UVRAG: variants seen among roughly 807,000 people sequenced by gnomAD.
UVRAG encodes the protein UV radiation resistance associated.
A neutral mutation model predicts 78.0 loss-of-function variants in UVRAG; 19 were observed. The ratio of observed to expected loss-of-function variants is 0.24; its 90% CI spans 0.17 to 0.36. The LOEUF is 0.36. UVRAG is among the 10% of genes least tolerant of loss of function. The probability of loss-of-function intolerance (pLI) is 1.00; values close to 1 mark genes in which losing one functional copy is unlikely to be tolerated. For missense variants in UVRAG, 740 were observed against 853.8 expected, an observed-to-expected ratio of 0.87 and a Z score of 1.66; for synonymous variants, 323 against 324.6, an observed-to-expected ratio of 1.00 and a Z score of 0.05.
intron 5 of UVRAG, among the ~76,000 whole-genome samples, chr11:75,894,704 G>A (rs554439298): frequency 3.7e-4 from 56 of 149,504 alleles, no homozygotes; most frequent in African/African-American, 1.4e-3. Context: ...TGCCCAGACT[G>A]TATAATCCTA....
chr11:75,923,088 G>A (rs1948015346), intron 6 of UVRAG, among the ~76,000 whole-genome samples: 1 of 149,146 alleles, frequency 6.7e-6, no homozygotes, highest in Non-Finnish European at 1.5e-5. Flanking sequence ...GTGCTGGAGT[G>A]CAATGGCTCG....
At chr11:76,065,494 G>A (rs1181613854) in intron 12 of UVRAG, among the ~76,000 whole-genome samples, 3 of 152,168 alleles carry the variant, frequency 2.0e-5, no homozygotes, top group Admixed American at 6.5e-5. Context: ...TCCTTGTTCT[G>A]TGACCTGTTC....
In UVRAG at chr11:76,073,288, T is replaced by C. The variant is rs536611627; in HGVS notation, c.1305+7500T>C. ...GCACATGTGCAATCGAGTTGCTAAG[T>C]GAACTACCTTCTTTTTTAAAAGCCT... On this transcript the variant is annotated intron_variant, in intron 13 of 14. Transcript: ENST00000356136. Among the ~76,000 whole-genome samples the C allele has an allele frequency of 3.3e-5, 5 of 152,302 alleles. No homozygotes were observed. In the East Asian group the frequency reaches 9.6e-4, roughly 29 times the overall value.
intron 14 of UVRAG, among the ~76,000 whole-genome samples, chr11:76,136,253 CAA>C (rs1170174791): frequency 6.6e-6 from 1 of 151,844 alleles, no homozygotes; most frequent in African/African-American, 2.4e-5. Context: ...AATATAAAAT[CAA>C]AATTATTTTA....
intron 1 of UVRAG, among the ~76,000 whole-genome samples, chr11:75,851,611 T>G (rs1475231618): frequency 6.6e-6 from 1 of 152,242 alleles, no homozygotes; most frequent in Non-Finnish European, 1.5e-5. Context: ...TGCGGGTATA[T>G]AGCACTTACA....
At chr11:75,895,725 C>T (rs1310244523) in intron 5 of UVRAG, among the ~76,000 whole-genome samples, 1 of 151,972 alleles carries the variant, frequency 6.6e-6, no homozygotes, top group Non-Finnish European at 1.5e-5. Context: ...GATCCTCCTA[C>T]CTTGGCCTCC....
chr11:75,840,187 TG>T (rs1240454242), intron 1 of UVRAG, among the ~76,000 whole-genome samples: 3 of 152,170 alleles, frequency 2.0e-5, no homozygotes, highest in Non-Finnish European at 2.9e-5. Context: ...GAAATTTACC[TG>T]AAAATTTACC....
At chr11:76,140,645 G>T in intron 14 of UVRAG, 66 bp from the exon 15 acceptor site, 1 of 1,444,200 alleles carries the variant, frequency 6.9e-7, no homozygotes, top group Non-Finnish European at 9.3e-7. Flanking sequence ...CCCTGTCTCT[G>T]GATCCAGAAG....
rs562799993 is a variant in UVRAG, at chr11:75,874,277, A to AC, written c.271-5602_271-5601insC. ...GTAATTTGGTAGAAAGAGAAAAAAAAAACAACAACACACACACACAAAATG... is the reference window on the plus strand; with the variant it reads ...GTAATTTGGTAGAAAGAGAAAAAAAACAACAACAACACACACACACAAAATG... On this transcript the variant is annotated intron_variant, in intron 3 of 14. Transcript: ENST00000356136. Among the ~76,000 whole-genome samples, 569 of 152,216 alleles carry AC rather than the reference A, an allele frequency of 3.7e-3. 4 individuals are homozygous for AC. Among genetic ancestry groups the AC allele is most frequent in the African/African-American group, 0.014 (561 of 41,518 alleles).
intron 3 of UVRAG, among the ~76,000 whole-genome samples, chr11:75,873,673 T>G (rs915612839): frequency 6.6e-6 from 1 of 152,230 alleles, no homozygotes; most frequent in African/African-American, 2.4e-5. Context: ...CTAGCATATG[T>G]AAGCTAGAGG....
chr11:76,079,292 T>C (rs1241571058), intron 13 of UVRAG, among the ~76,000 whole-genome samples: 1 of 152,122 alleles, frequency 6.6e-6, no homozygotes, highest in Non-Finnish European at 1.5e-5. Flanking sequence ...GAGACCAGCC[T>C]GGGCAGCACA....
intron 6 of UVRAG, among the ~76,000 whole-genome samples, chr11:75,937,128 G>A (rs1948388638): frequency 3.9e-5 from 6 of 152,202 alleles, no homozygotes; most frequent in Non-Finnish European, 8.8e-5. Flanking sequence ...CCAGCACTTT[G>A]GAAGGCCAAG....
At chr11:75,921,353 G>A (rs962374730) in intron 6 of UVRAG, among the ~76,000 whole-genome samples, 1 of 152,106 alleles carries the variant, frequency 6.6e-6, no homozygotes, top group African/African-American at 2.4e-5. Context: ...GTTTTCTTAA[G>A]CTTATTAGCT....
chr11:75,890,827 G>A (rs1446211327), intron 5 of UVRAG, among the ~76,000 whole-genome samples: 1 of 152,144 alleles, frequency 6.6e-6, no homozygotes, highest in Non-Finnish European at 1.5e-5. Context: ...AGTCCACATA[G>A]GGGGCACCAG....
intron 13 of UVRAG, among the ~76,000 whole-genome samples, chr11:76,082,616 CTT>C (rs1359460384): frequency 6.6e-6 from 1 of 151,268 alleles, no homozygotes; most frequent in Non-Finnish European, 1.5e-5. Flanking sequence ...CTTGTCATCT[CTT>C]GAAAAATAAT....
At chr11:75,987,977 A>G (rs1949533451) in intron 8 of UVRAG, among the ~76,000 whole-genome samples, 1 of 152,128 alleles carries the variant, frequency 6.6e-6, no homozygotes, top group African/African-American at 2.4e-5. Context: ...ACCTCAGGTG[A>G]TCTGCCCGCC....
At chr11:75,999,008 G>A (rs1949758300) in intron 8 of UVRAG, among the ~76,000 whole-genome samples, 1 of 152,062 alleles carries the variant, frequency 6.6e-6, no homozygotes, top group East Asian at 1.9e-4. Context: ...GTTTTCAGGT[G>A]GATCACCTGA....
chr11:75,889,768 C>T (rs1206614125), intron 5 of UVRAG, among the ~76,000 whole-genome samples: 2 of 152,182 alleles, frequency 1.3e-5, no homozygotes, highest in Non-Finnish European at 2.9e-5. Context: ...TGGATAATTT[C>T]CTGCTGTTGT....
chr11:75,894,165 G>A (rs1269081086), intron 5 of UVRAG, among the ~76,000 whole-genome samples: 1 of 152,160 alleles, frequency 6.6e-6, no homozygotes, highest in Non-Finnish European at 1.5e-5. Context: ...TAAGGTGAAA[G>A]AAGCTAGGCC....
Sources: gnomAD v4.1 joint callset for allele counts (sites outside exome capture counted in the v4.1 genomes callset) on GRCh38, gnomAD v4.1.1 for gene constraint, MANE v1.5 for transcripts, NCBI Gene and HGNC (gene_info 2026-07-23, HGNC 2026-07-21) for gene names.